Variants in HGSNAT observed in about 807,000 individuals in gnomAD.
The protein encoded by HGSNAT is transmembrane protein 76.
A neutral mutation model predicts 85.2 loss-of-function variants in HGSNAT; 59 were observed. The ratio of observed to expected loss-of-function variants is 0.69; its 90% confidence interval spans 0.56 to 0.86. HGSNAT has a LOEUF of 0.86. HGSNAT is among the 40% of genes least tolerant of loss of function. The probability of loss-of-function intolerance (pLI) is 0.00; values close to 1 mark genes in which losing one functional copy is unlikely to be tolerated. For synonymous variants in HGSNAT, 321 were observed against 304.5 expected (o/e 1.05, Z -0.56); for missense variants, 756 against 777.1 (o/e 0.97, Z 0.32).
In HGSNAT at chr8:43,166,303, T is replaced by C. The variant is rs565489322; in HGVS notation, c.564-2870T>C. ...AGTTTCCATGCAGATGAAACAGCCT[T>C]CTATTGGAAGAAGATGCCATCTAAG... On this transcript the variant is annotated intron_variant, in intron 5 of 17. Coordinates refer to ENST00000379644, the MANE Select transcript of HGSNAT (RefSeq NM_152419.3). Among the ~76,000 whole-genome samples the C allele has an allele frequency of 1.3e-5, 2 of 152,322 alleles. 1 individual carries two copies. Among genetic ancestry groups the C allele is most frequent in the South Asian group, 4.1e-4 (2 of 4,828 alleles).
At chr8:43,189,428 C>G (rs952663134) in intron 11 of HGSNAT, among the ~76,000 whole-genome samples, 1 of 152,194 alleles carries the variant, frequency 6.6e-6, no homozygotes, top group Non-Finnish European at 1.5e-5. Context: ...GTGGGACCCT[C>G]CGAGCCAGAT....
At chr8:43,148,486 A>C (rs553395872) in intron 2 of HGSNAT, among the ~76,000 whole-genome samples, 3 of 151,830 alleles carry the variant, frequency 2.0e-5, no homozygotes, top group East Asian at 3.9e-4. Flanking sequence ...GCTGTGGACA[A>C]ATTAAAGAAT....
At chr8:43,172,803 G>A (rs1803673364) in intron 8 of HGSNAT, among the ~76,000 whole-genome samples, 1 of 152,194 alleles carries the variant, frequency 6.6e-6, no homozygotes, top group Admixed American at 6.5e-5. Context: ...GGTCTGAGTG[G>A]TGGTGAATAA....
intron 14 of HGSNAT, chr8:43,196,400 G>C: frequency 8.1e-7 from 1 of 1,227,980 alleles, no homozygotes; most frequent in Non-Finnish European, 1.1e-6. Flanking sequence ...CCTGCCTCTG[G>C]TTCCACCCTG....
intron 4 of HGSNAT, among the ~76,000 whole-genome samples, chr8:43,161,040 G>A (rs780757645): frequency 7.2e-5 from 11 of 152,208 alleles, no homozygotes; most frequent in Non-Finnish European, 1.0e-4. Context: ...GTGTCAGGCT[G>A]TCTTTACAAG....
chr8:43,196,668 C>G, intron 14 of HGSNAT: 5 of 639,448 alleles, frequency 7.8e-6, no homozygotes, highest in Non-Finnish European at 1.0e-5. Flanking sequence ...GGAGCCTCTT[C>G]CTGCGGGGAC....
chr8:43,198,616 C>T (rs1804814005), intron 17 of HGSNAT, among the ~76,000 whole-genome samples: 1 of 151,940 alleles, frequency 6.6e-6, no homozygotes, highest in Admixed American at 6.6e-5. Flanking sequence ...GCTATGCTTG[C>T]TTTCTTAATA....
At chr8:43,170,058 A>C (rs1803564660) in intron 6 of HGSNAT, among the ~76,000 whole-genome samples, 1 of 152,080 alleles carries the variant, frequency 6.6e-6, no homozygotes, top group African/African-American at 2.4e-5. Flanking sequence ...TGGGCTCAAG[A>C]GATTTGCCCA....
intron 5 of HGSNAT, among the ~76,000 whole-genome samples, chr8:43,162,518 A>G (rs1803297441): frequency 6.6e-6 from 1 of 151,826 alleles, no homozygotes; most frequent in South Asian, 2.1e-4. Flanking sequence ...ATTTCAGTAT[A>G]TCAGGATGCT....
intron 11 of HGSNAT, 98 bp from the exon 12 acceptor site, chr8:43,191,376 C>T (rs1804520185): frequency 6.8e-7 from 1 of 1,467,166 alleles, no homozygotes; most frequent in Admixed American, 1.9e-5. Context: ...CCAAAAAGGC[C>T]AAGAAATGAG....
rs919786063 is a variant in HGSNAT at position 43,152,965 on chromosome 8, A to C, written c.235-5610A>C. On this transcript the variant is annotated intron_variant, in intron 2 of 17. Transcript: ENST00000379644. ...AAAAGTAAATGAGTCAGAGGATCAA[A>C]AGACGGCCCAAATTGGTCTGAGTAT... 8.5e-5 allele frequency among the ~76,000 whole-genome samples: 13 copies of C among 152,288 alleles called. No homozygotes were observed. The East Asian group carries it at 2.5e-3, about 29-fold the overall frequency.
intron 9 of HGSNAT, among the ~76,000 whole-genome samples, chr8:43,175,817 T>C (rs1486049668): frequency 6.6e-6 from 1 of 152,118 alleles, no homozygotes; most frequent in Non-Finnish European, 1.5e-5. Context: ...TCTGCCTGCC[T>C]TGGCCTCCCA....
At chr8:43,159,140 C>T (rs1803190167) in intron 4 of HGSNAT, 96 bp downstream of exon 4, 1 of 1,301,894 alleles carries the variant, frequency 7.7e-7, no homozygotes, top group African/African-American at 1.5e-5. Context: ...ATGACGCTTT[C>T]TGTAGTTGAA....
rs759057396 is a variant in HGSNAT at position 43,193,814 on chromosome 8, T to TC, written c.1437dup (p.Ile480HisfsTer47). ...CGAGGGCATCCTGGGCACCATCAAC[T>TC]CCATCGTGATGGCCTTTTTAGGAGT... is the stretch of plus-strand genomic sequence containing the variant. On this transcript the variant is annotated frameshift_variant, in exon 14 of 18. Transcript: ENST00000379644. LOFTEE classifies it high-confidence loss of function. 1.2e-6 allele frequency: 2 copies of TC among 1,613,742 alleles called. No individual in the cohort carries two copies. Among genetic ancestry groups the TC allele is most frequent in the Non-Finnish European group, 1.7e-6 (2 of 1,179,758 alleles).
chr8:43,164,198 G>A (rs1051542807), intron 5 of HGSNAT, among the ~76,000 whole-genome samples: 2 of 152,248 alleles, frequency 1.3e-5, no homozygotes, highest in African/African-American at 2.4e-5. Context: ...ATGAGGGACA[G>A]TGGGTGAGAG....
At chr8:43,167,924 T>TC in intron 5 of HGSNAT, 1 of 144,316 alleles carries the variant, frequency 6.9e-6, no homozygotes, top group South Asian at 1.5e-4. Flanking sequence ...TCTTTCTTTC[T>TC]TTTTTTTTTT....
At chr8:43,154,485 G>A (rs1803027053) in intron 2 of HGSNAT, among the ~76,000 whole-genome samples, 2 of 151,936 alleles carry the variant, frequency 1.3e-5, no homozygotes, top group South Asian at 4.2e-4. Flanking sequence ...GAGAATGATG[G>A]TTTCCAGCTT....
At chr8:43,183,425 C>T (rs150829955) in intron 11 of HGSNAT, among the ~76,000 whole-genome samples, 98 of 151,712 alleles carry the variant, frequency 6.5e-4, no homozygotes, top group African/African-American at 2.2e-3. Context: ...CCTCAGCCTC[C>T]CAAAATGCTA....
At chr8:43,190,707 C>T (rs866033824) in intron 11 of HGSNAT, among the ~76,000 whole-genome samples, 1 of 152,134 alleles carries the variant, frequency 6.6e-6, no homozygotes, top group Non-Finnish European at 1.5e-5. Flanking sequence ...GTTTGAATTT[C>T]GTTAGTTTAC....
Sources: gnomAD v4.1 joint callset for allele counts (sites outside exome capture counted in the v4.1 genomes callset) on GRCh38, gnomAD v4.1.1 for gene constraint, MANE v1.5 for transcripts, NCBI Gene and HGNC (gene_info 2026-07-23, HGNC 2026-07-21) for gene names.